Variants in ATG101 observed in about 807,000 individuals in gnomAD.
ATG101 encodes autophagy-related protein 101.
A neutral mutation model predicts 16.7 loss-of-function variants in ATG101; 6 were observed. That is an observed-to-expected ratio of 0.36 (90% confidence interval 0.20 to 0.71). ATG101 has a LOEUF of 0.71. Among genes scored for constraint, ATG101 ranks in the 30% least tolerant of loss-of-function variants. The pLI is 0.57. For missense variants in ATG101, 200 were observed against 292.5 expected, an observed-to-expected ratio of 0.68 and a Z score of 2.31; for synonymous variants, 108 against 118.1, an observed-to-expected ratio of 0.91 and a Z score of 0.56.
chr12:52,071,813 A>AAAAT (rs1414366128), intron 2 of ATG101, among the ~76,000 whole-genome samples: 1 of 152,166 alleles, frequency 6.6e-6, no homozygotes, highest in Non-Finnish European at 1.5e-5. Context: ...TTTCATAAAT[A>AAAAT]AAATAAATAA....
intron 2 of ATG101, chr12:52,071,286 A>G (rs1939646673): frequency 6.6e-6 from 1 of 152,234 alleles, no homozygotes. Flanking sequence ...CCATCTGTCA[A>G]CCAGATGAGT....
At chr12:52,066,652 TG>T (rs1415274376), upstream of ATG101, among the ~76,000 whole-genome samples, 1 of 152,150 alleles carries the variant, frequency 6.6e-6, no homozygotes, top group African/African-American at 2.4e-5. Context: ...GGAGGTGGAC[TG>T]TATCTACCTT....
At chr12:52,067,308 T>C (rs1257010935), upstream of ATG101, among the ~76,000 whole-genome samples, 9 of 152,364 alleles carry the variant, frequency 5.9e-5, no homozygotes, top group East Asian at 1.5e-3. Flanking sequence ...TCTGCATTCA[T>C]TGATGTCTTG....
At chr12:52,074,074 A>G (rs1024437168) in intron 3 of ATG101, among the ~76,000 whole-genome samples, 172 bp downstream of exon 3, 3 of 142,824 alleles carry the variant, frequency 2.1e-5, no homozygotes, top group Non-Finnish European at 4.6e-5. Context: ...TCTTCAGGGG[A>G]GGGCGCGCGG....
upstream of ATG101, among the ~76,000 whole-genome samples, chr12:52,068,356 T>C (rs572658108): frequency 4.0e-5 from 6 of 151,856 alleles, no homozygotes; most frequent in African/African-American, 1.4e-4. Flanking sequence ...ACCCGACTTT[T>C]TTTTTTTTTT....
In ATG101 at chr12:52,074,088, C is replaced by CGCGT. The variant is rs1565661984; in HGVS notation, c.252+187_252+188insCGTG. 3.6e-5 allele frequency among the ~76,000 whole-genome samples: 5 copies of CGCGT among 139,022 alleles called. No homozygotes were observed. The Admixed American group carries it at 4.0e-4, about 11-fold the overall frequency. 91.2% of individuals were successfully genotyped at this position (139,022 alleles called of 152,430 possible). ...CTCTTCAGGGGAGGGCGCGCGGGCG[C>CGCGT]GTGTGTGTGTGGTGGGGGAGGGAGA... On this transcript the variant is annotated intron_variant, in intron 3 of 3. Transcript: ENST00000336854.
Position 52,076,920 on chromosome 12 carries a change from A to G in ATG101, c.387A>G (p.Val129=). 6.2e-7 allele frequency: 1 copy of G among 1,614,182 alleles called. No homozygotes were observed. Among genetic ancestry groups the G allele is most frequent in the Non-Finnish European group, 8.5e-7 (1 of 1,180,030 alleles). The change falls in exon 4 of 4, where the codon GTA becomes GTG. Residue 129 remains valine, a synonymous_variant. Coordinates refer to ENST00000336854, the MANE Select transcript of ATG101 (RefSeq NM_021934.5). ...WEVWTVKVHV[V]ALATEQERQI... is the part of the protein sequence containing the mutation. ...TGTGGACGGTCAAGGTGCATGTGGTAGCCCTGGCCACGGAGCAGGAGCGGC... is the reference window on the plus strand; with the variant it reads ...TGTGGACGGTCAAGGTGCATGTGGTGGCCCTGGCCACGGAGCAGGAGCGGC...
rs944026533 is a variant in ATG101, at chr12:52,070,069, G to C, written c.-380G>C. 2.6e-5 allele frequency: 4 copies of C among 152,388 alleles called. No individual in the cohort carries two copies. The highest frequency in any genetic ancestry group is 9.6e-5 in the African/African-American group (4 of 41,452). The allele number at this position is 152,388 out of a possible 1,614,324, so 9.4% of individuals were successfully genotyped here. ...GGCTGGTCGTGGACTGTGGTTGGGG[G>C]AGGTGGGAGCTGTTTTAACCGTGTG... is the stretch of plus-strand genomic sequence containing the variant. On this transcript the variant is annotated 5_prime_UTR_variant, in exon 1 of 4. Transcript: ENST00000336854.
intron 2 of ATG101, 25 bp downstream of exon 2, chr12:52,070,508 C>T (rs1939627012): frequency 1.3e-5 from 2 of 152,432 alleles, no homozygotes; most frequent in African/African-American, 2.4e-5. Context: ...ACCCTGTGCT[C>T]CAGCCAGGCT....
chr12:52,072,952 T>C (rs1011925584), intron 2 of ATG101, among the ~76,000 whole-genome samples: 1 of 152,096 alleles, frequency 6.6e-6, no homozygotes, highest in Non-Finnish European at 1.5e-5. Context: ...TTTTATATTT[T>C]TGGTAGAGAT....
chr12:52,076,865 C>A lies in ATG101; in HGVS notation c.332C>A (p.Pro111Gln). 6.2e-7 allele frequency: 1 copy of A among 1,614,180 alleles called. No individual in the cohort carries two copies. Among genetic ancestry groups the A allele is most frequent in the Non-Finnish European group, 8.5e-7 (1 of 1,180,030 alleles). Residue 111 changes from proline (P) to glutamine (Q), a missense_variant, in exon 4 of 4, where the codon CCA becomes CAA. Coordinates refer to ENST00000336854, the MANE Select transcript of ATG101 (RefSeq NM_021934.5). ...TACCAGAAGAAGAAGTCTCGCTGGC[C>A]ATTCTCAGACGAGTGCATCCCATGG... ...EFYQKKKSRW[P>Q]FSDECIPWEV...
rs1404809261 is a variant in ATG101, at chr12:52,077,337, G to A, written c.*147G>A. The A allele has an allele frequency of 2.2e-6, 2 of 889,094 alleles. No homozygotes were observed. The highest frequency in any genetic ancestry group is 2.9e-5 in the Admixed American group (1 of 34,776). The allele number at this position is 889,094 out of a possible 1,614,324, so 55.1% of individuals were successfully genotyped here. On this transcript the variant is annotated 3_prime_UTR_variant, in exon 4 of 4. Transcript: ENST00000336854. The stretch of plus-strand genomic sequence containing the variant: ...GCCCCCGCTGGCTTCTTGGTTTTGT[G>A]GTTGCCAGCCTCAGGTCATCCTTTT...
At chr12:52,069,024 A>AAAAAAAACACC (rs1565659810), upstream of ATG101, among the ~76,000 whole-genome samples, 1 of 135,956 alleles carries the variant, frequency 7.4e-6, no homozygotes, top group Admixed American at 7.2e-5. Context: ...AAAAAAAAAT[A>AAAAAAAACACC]CTGCCTCCTA....
upstream of ATG101, among the ~76,000 whole-genome samples, chr12:52,066,590 T>A (rs973785318): frequency 5.8e-4 from 88 of 152,204 alleles, 2 homozygotes; most frequent in African/African-American, 2.0e-3. Flanking sequence ...CATCACTATG[T>A]ATGACTGGGC....
At chr12:52,072,262 C>G (rs1939661777) in intron 2 of ATG101, among the ~76,000 whole-genome samples, 1 of 152,236 alleles carries the variant, frequency 6.6e-6, no homozygotes, top group African/African-American at 2.4e-5. Flanking sequence ...AGTGGCAGAG[C>G]TGGGGTTCCA....
At chr12:52,076,475 G>A (rs544034378) in intron 3 of ATG101, among the ~76,000 whole-genome samples, 2 of 152,346 alleles carry the variant, frequency 1.3e-5, no homozygotes, top group Non-Finnish European at 1.5e-5. Flanking sequence ...GGGATTGTGT[G>A]TGTTAAGTTC....
chr12:52,073,642 G>A lies in ATG101; in HGVS notation c.-9G>A. 6.2e-7 allele frequency: 1 copy of A among 1,609,192 alleles called. No homozygotes were observed. The highest frequency in any genetic ancestry group is 1.1e-5 in the South Asian group (1 of 90,986). Reference sequence around the variant, plus strand: ...GTTCCACACCTTGGTGTGGGTTACTGGGTGCAGGATGAACTGTCGCTCGGA... The same window carrying A: ...GTTCCACACCTTGGTGTGGGTTACTAGGTGCAGGATGAACTGTCGCTCGGA... On this transcript the variant is annotated 5_prime_UTR_variant, in exon 3 of 4. Transcript: ENST00000336854.
chr12:52,077,213 T>G lies in ATG101; in HGVS notation c.*23T>G. 2 of 1,605,170 alleles carry G rather than the reference T, an allele frequency of 1.2e-6. No individual in the cohort carries two copies. The highest frequency in any genetic ancestry group is 1.7e-6 in the Non-Finnish European group (2 of 1,173,602). On this transcript the variant is annotated 3_prime_UTR_variant, in exon 4 of 4. Transcript: ENST00000336854. ...TGAGCGTCGCTGGATCTCTGGGAGC[T>G]CCTTGATGGCTCCCAGACCTTGGCT...
Position 52,077,231 on chromosome 12 carries a change from C to T in ATG101, c.*41C>T. ...TGGGAGCTCCTTGATGGCTCCCAGA[C>T]CTTGGCTTTTGGGAATTGCACTTTT... On this transcript the variant is annotated 3_prime_UTR_variant, in exon 4 of 4. Coordinates refer to ENST00000336854, the MANE Select transcript of ATG101 (RefSeq NM_021934.5). The T allele has an allele frequency of 2.5e-6, 4 of 1,587,686 alleles. No individual in the cohort carries two copies. The highest frequency in any genetic ancestry group is 3.4e-6 in the Non-Finnish European group (4 of 1,164,270).
Sources: gnomAD v4.1 joint callset for allele counts (sites outside exome capture counted in the v4.1 genomes callset) on GRCh38, gnomAD v4.1.1 for gene constraint, MANE v1.5 for transcripts, NCBI Gene and HGNC (gene_info 2026-07-23, HGNC 2026-07-21) for gene names.